Variants in MRPS9 observed in about 807,000 individuals in gnomAD.
MRPS9 encodes mitochondrial ribosomal protein S9.
MRPS9 carries 45 observed loss-of-function variants against 59.9 expected under a neutral mutation model. The ratio of observed to expected loss-of-function variants is 0.75; its 90% CI spans 0.59 to 0.96. The LOEUF (loss-of-function observed/expected upper bound fraction) is 0.96. Ranked by LOEUF, MRPS9 falls within the 40% of genes least tolerant of loss-of-function variation. The pLI, the probability that MRPS9 is intolerant of heterozygous loss-of-function variation, is 0.00. For synonymous variants in MRPS9, 171 were observed against 166.8 expected (o/e 1.03, Z -0.19); for missense variants, 473 against 481.1 (o/e 0.98, Z 0.16).
At chr2:105,056,490 G>C (rs989541957) in intron 2 of MRPS9, among the ~76,000 whole-genome samples, 13 of 152,210 alleles carry the variant, frequency 8.5e-5, no homozygotes, top group African/African-American at 3.1e-4. Context: ...CTACGTGTCT[G>C]CCTCTAGCCA....
chr2:105,043,145 G>A (rs1040964363), intron 1 of MRPS9, among the ~76,000 whole-genome samples: 3 of 152,146 alleles, frequency 2.0e-5, no homozygotes, highest in Non-Finnish European at 1.5e-5. Context: ...AAATTTCCCT[G>A]AATGTCCCAA....
intron 2 of MRPS9, among the ~76,000 whole-genome samples, chr2:105,064,426 GT>G (rs1679961442): frequency 1.0e-5 from 1 of 97,848 alleles, no homozygotes; most frequent in Non-Finnish European, 2.5e-5. Context: ...GGACAGGAAT[GT>G]GAGTGAGAAT....
chr2:105,082,259 T>A (rs913001373), intron 5 of MRPS9, among the ~76,000 whole-genome samples: 5 of 152,200 alleles, frequency 3.3e-5, no homozygotes, highest in Non-Finnish European at 7.3e-5. Flanking sequence ...TTTCCCTATG[T>A]GGCAGGGTAA....
rs528613493 is a variant in MRPS9, at chr2:105,081,128, C to T, written c.489+1066C>T. Among the ~76,000 whole-genome samples, 10 of 152,320 alleles carry T rather than the reference C, an allele frequency of 6.6e-5. No individual in the cohort carries two copies. In the East Asian group the frequency reaches 1.4e-3, roughly 21 times the overall value. ...TAGGTATGTCAAATCTGCCTCCAAA[C>T]GCCGCCGGTTTGATCTGTGGTAATA... On this transcript the variant is annotated intron_variant, in intron 5 of 10. Coordinates refer to ENST00000258455, the MANE Select transcript of MRPS9 (RefSeq NM_182640.3).
chr2:105,080,270 T>C (rs1680303677), intron 5 of MRPS9, among the ~76,000 whole-genome samples: 1 of 152,172 alleles, frequency 6.6e-6, no homozygotes, highest in Non-Finnish European at 1.5e-5. Context: ...ATCAGAATGG[T>C]TTGTCTTTAA....
At chr2:105,085,558 T>C (rs1476539638) in intron 5 of MRPS9, among the ~76,000 whole-genome samples, 5 of 152,202 alleles carry the variant, frequency 3.3e-5, no homozygotes, top group South Asian at 2.1e-4. Context: ...CTAAAAATCA[T>C]AGTGCTCATA....
At position 105,093,621 on chromosome 2, in the gene MRPS9, C is replaced by G; in HGVS notation, c.912C>G (p.Phe304Leu). The G allele has an allele frequency of 6.2e-7, 1 of 1,600,828 alleles. No individual in the cohort carries two copies. Among genetic ancestry groups the G allele is most frequent in the Non-Finnish European group, 8.5e-7 (1 of 1,171,416 alleles). ...KVNGIDYQLY[F>L]PITQDREQLM... ...ATGGAATTGATTACCAGCTTTACTTCCCGATCACACAGGACAGGTTCGTTT... is the reference window on the plus strand; with the variant it reads ...ATGGAATTGATTACCAGCTTTACTTGCCGATCACACAGGACAGGTTCGTTT... Residue 304 changes from phenylalanine (F) to leucine (L), a missense_variant, in exon 9 of 11, where the codon TTC (phenylalanine) becomes TTG (leucine). Phe to Leu is a conservative substitution (Grantham distance 22). Transcript: ENST00000258455.
At position 105,038,198 on chromosome 2, in the gene MRPS9, C is replaced by T. The variant is rs747216572; in HGVS notation, c.106C>T (p.Pro36Ser). The change falls in exon 1 of 11, where the codon CCT becomes TCT. Residue 36 changes from proline to serine, a missense_variant. By Grantham distance (74) the Pro-to-Ser change is moderately conservative (BLOSUM62 -1). Transcript: ENST00000258455. ...GCAAGGCCTCTGGAAAACCGCGGCC[C>T]CTGAGTTGCAAACAAATGTCAGATC... is the stretch of plus-strand genomic sequence containing the variant. The part of the protein sequence containing the change: ...RKQGLWKTAA[P>S]ELQTNVRSQI... The T allele has an allele frequency of 1.2e-6, 2 of 1,612,918 alleles. No individual in the cohort carries two copies. The highest frequency in any genetic ancestry group is 1.1e-5 in the South Asian group (1 of 90,782).
At chr2:105,052,360 A>G (rs1317729971) in intron 2 of MRPS9, among the ~76,000 whole-genome samples, 3 of 152,036 alleles carry the variant, frequency 2.0e-5, no homozygotes, top group African/African-American at 7.2e-5. Flanking sequence ...GGTATTGGAT[A>G]TTGTCAGATG....
chr2:105,057,217 G>A (rs1679806027), intron 2 of MRPS9, among the ~76,000 whole-genome samples: 4 of 152,100 alleles, frequency 2.6e-5, no homozygotes, highest in Admixed American at 6.6e-5. Flanking sequence ...GATCTAACAG[G>A]AGGAAAAACG....
chr2:105,092,711 T>A, intron 8 of MRPS9, 142 bp downstream of exon 8: 2 of 832,580 alleles, frequency 2.4e-6, no homozygotes, highest in Admixed American at 6.9e-5. Context: ...TCCTAATTTT[T>A]AAGATTCTGT....
At chr2:105,038,520 A>G (rs1017110330) in intron 1 of MRPS9, 7 of 408,702 alleles carry the variant, frequency 1.7e-5, no homozygotes, top group Non-Finnish European at 2.7e-5. Flanking sequence ...GTCGGTGCCT[A>G]GGTCTGTGTT....
chr2:105,094,186 G>C (rs1680614891), intron 9 of MRPS9, among the ~76,000 whole-genome samples: 1 of 152,160 alleles, frequency 6.6e-6, no homozygotes, highest in African/African-American at 2.4e-5. Flanking sequence ...AGCAAGCAAA[G>C]AAACCTAGCA....
chr2:105,098,341 C>G (rs978621008), intron 10 of MRPS9: 4 of 152,260 alleles, frequency 2.6e-5, no homozygotes, highest in Non-Finnish European at 4.4e-5. Flanking sequence ...GCACCTAAGT[C>G]TATAAGCTCC....
chr2:105,076,630 A>T (rs1296181509), intron 4 of MRPS9, among the ~76,000 whole-genome samples: 3 of 152,236 alleles, frequency 2.0e-5, no homozygotes, highest in Non-Finnish European at 4.4e-5. Flanking sequence ...GGAGTTAAGA[A>T]ATTCAAACTC....
intron 5 of MRPS9, among the ~76,000 whole-genome samples, chr2:105,087,800 TTTCCTTCCTTCCTTCC>T (rs59753300): frequency 1.4e-5 from 2 of 138,590 alleles, no homozygotes; most frequent in East Asian, 2.1e-4. Context: ...TCCTGCCTTT[TTTCCTTCCTTCCTTCC>T]TTCCTTCCTT....
At chr2:105,049,994 A>G (rs1210959221) in intron 2 of MRPS9, among the ~76,000 whole-genome samples, 2 of 152,282 alleles carry the variant, frequency 1.3e-5, no homozygotes, top group Non-Finnish European at 1.5e-5. Context: ...TAACATTCTT[A>G]TACGATTTTA....
intron 5 of MRPS9, among the ~76,000 whole-genome samples, chr2:105,087,702 C>T (rs1375874445): frequency 2.0e-5 from 3 of 152,148 alleles, no homozygotes; most frequent in African/African-American, 7.2e-5. Flanking sequence ...ACTGAGGAGT[C>T]CTACCTGTTG....
chr2:105,079,910 G>T, intron 4 of MRPS9, 73 bp from the exon 5 acceptor site: 1 of 945,898 alleles, frequency 1.1e-6, no homozygotes, highest in Non-Finnish European at 1.6e-6. Context: ...TCTCATAACT[G>T]TGGTTAAATG....
Sources: gnomAD v4.1 joint callset for allele counts (sites outside exome capture counted in the v4.1 genomes callset) on GRCh38, gnomAD v4.1.1 for gene constraint, MANE v1.5 for transcripts, NCBI Gene and HGNC (gene_info 2026-07-23, HGNC 2026-07-21) for gene names.